Variants in DND1 observed in about 807,000 individuals in gnomAD.
The protein encoded by DND1 is dead end protein homolog 1.
Under a neutral mutation model 30.4 loss-of-function variants are expected in DND1, and 6 were observed. The observed-to-expected ratio is 0.20, with a 90% CI of 0.11 to 0.39. The LOEUF is 0.39. DND1 is among the 10% of genes least tolerant of loss of function. The pLI is 1.00. For missense variants in DND1, 358 were observed against 474.9 expected, an observed-to-expected ratio of 0.75 and a Z score of 2.29; for synonymous variants, 178 against 210.4, an observed-to-expected ratio of 0.85 and a Z score of 1.33.
chr5:140,673,083 G>T, intron 2 of DND1, 177 bp from the exon 3 acceptor site: 1 of 995,610 alleles, frequency 1.0e-6, no homozygotes, highest in Non-Finnish European at 1.5e-6. Flanking sequence ...GGCTGGCACA[G>T]AGTAGGTACA....
chr5:140,672,046 A>T (rs902504633), intron 3 of DND1: 17 of 568,012 alleles, frequency 3.0e-5, no homozygotes, highest in African/African-American at 5.6e-5. Flanking sequence ...TAAGTCAGTC[A>T]GTGTGCTAAG....
At position 140,672,618 on chromosome 5, in the gene DND1, C is replaced by A; in HGVS notation, c.431G>T (p.Gly144Val). ...GCTGCGGGTCAGATTCGGCGGCAGGCCGTCAACGCTCAGCTCACACTTCTC... is the reference window on the plus strand; with the variant it reads ...GCTGCGGGTCAGATTCGGCGGCAGGACGTCAACGCTCAGCTCACACTTCTC... ...STEKCELSVDGLPPNLTRSAL... is the reference protein window; with the variant it reads ...STEKCELSVDVLPPNLTRSAL... The change falls in exon 3 of 4, where the codon GGC becomes GTC. Residue 144 changes from glycine to valine, a missense_variant. This residue lies in a region of DND1 where 62 missense variants were observed against 40.6 expected (regional missense o/e 1.53). Coordinates refer to ENST00000542735, the MANE Select transcript of DND1 (RefSeq NM_194249.3). 1 of 1,566,754 alleles carries A rather than the reference C, an allele frequency of 6.4e-7. No homozygotes were observed. The highest frequency in any genetic ancestry group is 8.6e-7 in the Non-Finnish European group (1 of 1,164,050).
At chr5:140,671,948 A>T (rs987232339) in intron 3 of DND1, 198 bp from the exon 4 acceptor site, 1 of 643,618 alleles carries the variant, frequency 1.6e-6, no homozygotes, top group South Asian at 1.9e-5. Context: ...CTACCTTACA[A>T]GTTTCCTTGG....
chr5:140,673,117 G>A lies in DND1; in HGVS notation c.142+154C>T, dbSNP rs1758138348. On this transcript the variant is annotated intron_variant, in intron 2 of 3. Coordinates refer to ENST00000542735, the MANE Select transcript of DND1 (RefSeq NM_194249.3). ...CACCTTGAGATTGGCCCCCTCCCTC[G>A]ACGGGGCGGGTGGACGTGGAGCCAC... The A allele has an allele frequency of 2.9e-6, 3 of 1,038,332 alleles. No individual in the cohort carries two copies. The East Asian group carries it at 7.1e-5, about 25-fold the overall frequency. The allele number at this position is 1,038,332 out of a possible 1,614,324, so 64.3% of individuals were successfully genotyped here.
chr5:140,671,887 G>C (rs1457072522), intron 3 of DND1, 137 bp from the exon 4 acceptor site: 1 of 967,196 alleles, frequency 1.0e-6, no homozygotes, highest in Non-Finnish European at 1.6e-6. Flanking sequence ...GGTAAGAAAA[G>C]ACAATGAAGC....
intron 2 of DND1, 109 bp from the exon 3 acceptor site, chr5:140,673,015 T>C (rs572211579): frequency 7.7e-7 from 1 of 1,298,196 alleles, no homozygotes; most frequent in East Asian, 2.5e-5. Context: ...GTCTGTGAAA[T>C]GGGTTTACAC....
At position 140,671,166 on chromosome 5, in the gene DND1, T is replaced by C. The variant is rs1758062456; in HGVS notation, c.*127A>G. On this transcript the variant is annotated 3_prime_UTR_variant, in exon 4 of 4. Transcript: ENST00000542735. ...TAGGTCCCTGTCCCAGCAGGGAGGC[T>C]GATGGGCCTGGGCCCATGCCCCTCC... 2 of 1,217,242 alleles carry C rather than the reference T, an allele frequency of 1.6e-6. No homozygotes were observed. Among genetic ancestry groups the C allele is most frequent in the Non-Finnish European group, 2.4e-6 (2 of 839,028 alleles). 75.4% of individuals were successfully genotyped at this position (1,217,242 alleles called of 1,614,324 possible).
Position 140,671,576 on chromosome 5 carries a change from T to C in DND1, c.779A>G (p.Gln260Arg). The stretch of plus-strand genomic sequence containing the variant: ...CAGCTTCATTCGTTGGCACAGCAAC[T>C]GCAGGGTAGCCCGAGCCCCTTGGAA... ...LGFQGARATLQLLCQRMKLGS... is the reference protein window; with the variant it reads ...LGFQGARATLRLLCQRMKLGS... The change falls in exon 4 of 4, where the codon CAG (glutamine) becomes CGG (arginine). Residue 260 changes from glutamine (Q) to arginine (R), a missense_variant. Physicochemically the swap from Gln to Arg is conservative, Grantham distance 43 (BLOSUM62 1). This residue lies in a region of DND1 where 176 missense variants were observed against 235.2 expected (regional missense o/e 0.75). Coordinates refer to ENST00000542735, the MANE Select transcript of DND1 (RefSeq NM_194249.3). 1 of 1,567,258 alleles carries C rather than the reference T, an allele frequency of 6.4e-7. No individual in the cohort carries two copies. Among genetic ancestry groups the C allele is most frequent in the Non-Finnish European group, 8.6e-7 (1 of 1,157,266 alleles).
Position 140,672,012 on chromosome 5 carries a change from A to T in DND1, c.605-262T>A, listed in dbSNP as rs1219279592. Reference sequence around the variant, plus strand: ...CTGCCTCATAACCATCATAATGGCTAATCTTTACTGGGAAAACTTGCTGTA... The same window carrying T: ...CTGCCTCATAACCATCATAATGGCTTATCTTTACTGGGAAAACTTGCTGTA... On this transcript the variant is annotated intron_variant, in intron 3 of 3. Coordinates refer to ENST00000542735, the MANE Select transcript of DND1 (RefSeq NM_194249.3). The T allele has an allele frequency of 1.0e-5, 6 of 587,492 alleles. No homozygotes were observed. The East Asian group carries it at 1.7e-4, about 17-fold the overall frequency. 36.4% of individuals were successfully genotyped at this position (587,492 alleles called of 1,614,324 possible).
At chr5:140,673,221 C>G in intron 2 of DND1, 50 bp downstream of exon 2, 3 of 1,597,822 alleles carry the variant, frequency 1.9e-6, no homozygotes, top group Admixed American at 1.7e-5. Flanking sequence ...GCCCCTCCCC[C>G]AAAGGGGGCT....
rs755794543 is a variant in DND1 at position 140,673,365 on chromosome 5, T to C, written c.48A>G (p.Pro16=). The C allele has an allele frequency of 3.7e-6, 6 of 1,614,004 alleles. No individual in the cohort carries two copies. The highest frequency in any genetic ancestry group is 1.6e-4 in the Middle Eastern group (1 of 6,084). ...ACGCCTCCAGCGCCGCCTTGTTCTCTGGATTCACCCTCTCACACCACAGCT... is the reference window on the plus strand; with the variant it reads ...ACGCCTCCAGCGCCGCCTTGTTCTCCGGATTCACCCTCTCACACCACAGCT... ...DCELWCERVN[P]ENKAALEAWV... is the part of the protein sequence containing the mutation. The change falls in exon 2 of 4, where the codon CCA becomes CCG. Residue 16 remains proline (P), a synonymous_variant. Transcript: ENST00000542735.
rs1161701106 is a variant in DND1, at chr5:140,672,811, G to C, written c.238C>G (p.Arg80Gly). The C allele has an allele frequency of 5.1e-6, 8 of 1,565,014 alleles. No homozygotes were observed. The South Asian group carries it at 5.8e-5, about 11-fold the overall frequency. ...YEHQLIPLFQ[R>G]VGRLYEFRLM... Reference sequence around the variant, plus strand: ...CGGAACTCGTAGAGGCGGCCCACGCGCTGGAACAGCGGGATAAGCTGGTGC... The same window carrying C: ...CGGAACTCGTAGAGGCGGCCCACGCCCTGGAACAGCGGGATAAGCTGGTGC... Residue 80 changes from arginine (R) to glycine (G), a missense_variant, in exon 3 of 4, where the codon CGC (arginine) becomes GGC (glycine). Arg to Gly is a moderately radical substitution (Grantham distance 125). Transcript: ENST00000542735.
At position 140,671,446 on chromosome 5, in the gene DND1, G is replaced by A. The variant is rs1304233855; in HGVS notation, c.909C>T (p.Gly303=). ...CTAGGGTCAGCACAACCCAGATGAG[G>A]CCGCTGAAGGGCACCGGATGCCCAG... ...VIPGHPVPFS[G]LIWVVLTLDG... The change falls in exon 4 of 4, where the codon GGC becomes GGT. Residue 303 remains glycine, a synonymous_variant. Coordinates refer to ENST00000542735, the MANE Select transcript of DND1 (RefSeq NM_194249.3). The A allele has an allele frequency of 3.7e-6, 6 of 1,611,428 alleles. No homozygotes were observed. Among genetic ancestry groups the A allele is most frequent in the Non-Finnish European group, 4.2e-6 (5 of 1,179,656 alleles).
intron 3 of DND1, 82 bp from the exon 4 acceptor site, chr5:140,671,832 G>T: frequency 7.0e-7 from 1 of 1,428,290 alleles, no homozygotes; most frequent in Non-Finnish European, 9.7e-7. Flanking sequence ...GAGCTACACA[G>T]TCCTGTTATT....
chr5:140,672,728 C>A lies in DND1; in HGVS notation c.321G>T (p.Ser107=), dbSNP rs760613950. ...CGATGGCGGCCTGCGCGCCGCGCCT[C>A]GAGCTGTAGCGGGCATAGGCGAAGC... ...NRGFAYARYS[S]RRGAQAAIAT... The change falls in exon 3 of 4, where the codon TCG becomes TCT. Residue 107 remains serine (S), a synonymous_variant. Coordinates refer to ENST00000542735, the MANE Select transcript of DND1 (RefSeq NM_194249.3). 2.1e-5 allele frequency: 34 copies of A among 1,586,172 alleles called. No homozygotes were observed. Among genetic ancestry groups the A allele is most frequent in the Non-Finnish European group, 2.9e-5 (34 of 1,173,664 alleles).
rs1758084179 is a variant in DND1 at position 140,671,814 on chromosome 5, G to C, written c.605-64C>G. 1.1e-5 allele frequency: 16 copies of C among 1,502,246 alleles called. No individual in the cohort carries two copies. The South Asian group carries it at 1.2e-4, about 11-fold the overall frequency. 93.1% of individuals were successfully genotyped at this position (1,502,246 alleles called of 1,614,324 possible). A position where few individuals can be genotyped will look rare whatever the true frequency, so the allele number is the denominator to read the frequency against. ...CTGGGCCCAAGCCTCCAGGTGGTGAGCCCTTTGGAGCTACACAGTCCTGTT... is the reference window on the plus strand; with the variant it reads ...CTGGGCCCAAGCCTCCAGGTGGTGACCCCTTTGGAGCTACACAGTCCTGTT... On this transcript the variant is annotated intron_variant, in intron 3 of 3. Transcript: ENST00000542735.
In DND1 at chr5:140,671,352, A is replaced by T; in HGVS notation, c.1003T>A (p.Ser335Thr). Residue 335 changes from serine to threonine, a missense_variant, in exon 4 of 4, where the codon TCT (serine) becomes ACT (threonine). Ser to Thr is a moderately conservative substitution (Grantham distance 58, BLOSUM62 1). Transcript: ENST00000542735. ...SVRLLQALSE[S>T]GANLLWSAGA... ...GCAGACCACAGGAGGTTGGCCCCAG[A>T]CTCACTGAGTGCCTGCAGCAGCCGT... is the stretch of plus-strand genomic sequence containing the variant. The T allele has an allele frequency of 6.2e-7, 1 of 1,612,712 alleles. No individual in the cohort carries two copies. Among genetic ancestry groups the T allele is most frequent in the Non-Finnish European group, 8.5e-7 (1 of 1,179,886 alleles).
rs1298456201 is a variant in DND1 at position 140,672,703 on chromosome 5, C to T, written c.346G>A (p.Ala116Thr). Reference protein sequence around the residue: ...SSRRGAQAAIATLHNHPLRPS... With the variant: ...SSRRGAQAAITTLHNHPLRPS... ...CGCAGCGGATGGTTGTGCAGCGTGG[C>T]GATGGCGGCCTGCGCGCCGCGCCTC... The change falls in exon 3 of 4, where the codon GCC becomes ACC. Residue 116 changes from alanine (A) to threonine (T), a missense_variant. Physicochemically the swap from Ala to Thr is moderately conservative, Grantham distance 58. This residue lies in a region of DND1 where 120 missense variants were observed against 199.1 expected (regional missense o/e 0.60). Transcript: ENST00000542735. 3 of 1,579,708 alleles carry T rather than the reference C, an allele frequency of 1.9e-6. No homozygotes were observed. Among genetic ancestry groups the T allele is most frequent in the South Asian group, 1.1e-5 (1 of 88,352 alleles).
At position 140,672,749 on chromosome 5, in the gene DND1, G is replaced by A. The variant is rs1382201817; in HGVS notation, c.300C>T (p.Phe100=). 6.3e-7 allele frequency: 1 copy of A among 1,589,254 alleles called. No homozygotes were observed. The highest frequency in any genetic ancestry group is 8.5e-7 in the Non-Finnish European group (1 of 1,175,152). Residue 100 remains phenylalanine (F), a synonymous_variant, in exon 3 of 4, where the codon TTC becomes TTT. Transcript: ENST00000542735. ...MMTFSGLNRG[F]AYARYSSRRG... is the part of the protein sequence containing the mutation. Reference sequence around the variant, plus strand: ...GCCTCGAGCTGTAGCGGGCATAGGCGAAGCCGCGGTTCAGGCCGCTGAAGG... The same window carrying A: ...GCCTCGAGCTGTAGCGGGCATAGGCAAAGCCGCGGTTCAGGCCGCTGAAGG...
Sources: gnomAD v4.1 joint callset for allele counts on GRCh38, gnomAD v4.1.1 for gene constraint, gnomAD v4.1.1 regional missense constraint, MANE v1.5 for transcripts, NCBI Gene and HGNC (gene_info 2026-07-23, HGNC 2026-07-21) for gene names.